CGGBP1: variants seen among roughly 807,000 people sequenced by gnomAD.
The protein encoded by CGGBP1 is CGG triplet repeat binding protein 1.
In CGGBP1, 4 loss-of-function variants were observed where a neutral mutation model predicts 11.4. That is an observed-to-expected ratio of 0.35 (90% confidence interval 0.17 to 0.80). CGGBP1 has a LOEUF of 0.80. Ranked by LOEUF, CGGBP1 falls within the 30% of genes least tolerant of loss-of-function variation. The pLI is 0.52. For missense variants in CGGBP1, 135 were observed against 202.1 expected (o/e 0.67, Z 2.01); for synonymous variants, 76 against 74.1 (o/e 1.03, Z -0.13).
Position 88,142,278 on chromosome 3 carries a change from GA to G in CGGBP1, c.-337-1201del, listed in dbSNP as rs1417957919. On this transcript the variant is annotated intron_variant, in intron 1 of 3. Transcript: ENST00000462901. ...GTTCAATGAATGGCACGCCAGCATT[GA>G]AAATTAAAAAACAAAACAAAAAAAA... is the stretch of plus-strand genomic sequence containing the variant. 12 of 111,372 alleles carry G rather than the reference GA, an allele frequency of 1.1e-4. No homozygotes were observed. The Admixed American group carries it at 1.3e-3, about 12-fold the overall frequency. 6.9% of individuals were successfully genotyped at this position (111,372 alleles called of 1,614,324 possible).
At position 88,053,859 on chromosome 3, in the gene CGGBP1, T is replaced by C. The variant is rs533709953; in HGVS notation, c.*1614A>G. 9.8e-5 allele frequency: 15 copies of C among 152,730 alleles called. No individual in the cohort carries two copies. Among genetic ancestry groups the C allele is most frequent in the African/African-American group, 3.1e-4 (13 of 41,582 alleles). The allele number at this position is 152,730 out of a possible 1,614,324, so 9.5% of individuals were successfully genotyped here. On this transcript the variant is annotated 3_prime_UTR_variant, in exon 4 of 4. Coordinates refer to ENST00000482016, the MANE Select transcript of CGGBP1 (RefSeq NM_001008390.2). ...GAGCACTACTCTAGGCATGCATTTA[T>C]CATACTACTTTAACATAACTGAACA...
chr3:88,130,567 C>T lies in CGGBP1; in HGVS notation c.-229+10403G>A, dbSNP rs1706391124. Reference sequence around the variant, plus strand: ...CTGGGCTCAAGTGATTTTCCCGCCTCAGCCTCCTCAGTAGCTGGGACTACA... The same window carrying T: ...CTGGGCTCAAGTGATTTTCCCGCCTTAGCCTCCTCAGTAGCTGGGACTACA... On this transcript the variant is annotated intron_variant, in intron 2 of 3. Transcript: ENST00000462901. 2.6e-5 allele frequency among the ~76,000 whole-genome samples: 4 copies of T among 151,806 alleles called. No individual in the cohort carries two copies. The South Asian group carries it at 6.2e-4, about 24-fold the overall frequency.
chr3:88,056,075 T>C, intron 3 of CGGBP1, 76 bp from the exon 4 acceptor site: 1 of 1,111,092 alleles, frequency 9.0e-7, no homozygotes, highest in South Asian at 1.6e-5. Context: ...TAAAAGGCAG[T>C]ATATAAACAC....
At chr3:88,131,103 G>A (rs948625812) in intron 2 of CGGBP1, among the ~76,000 whole-genome samples, 13 of 152,112 alleles carry the variant, frequency 8.5e-5, no homozygotes, top group African/African-American at 3.1e-4. Flanking sequence ...GCACATCTGG[G>A]CTATATGATG....
chr3:88,132,106 A>T (rs920755563), intron 2 of CGGBP1, among the ~76,000 whole-genome samples: 1 of 152,182 alleles, frequency 6.6e-6, no homozygotes, highest in Non-Finnish European at 1.5e-5. Context: ...TATGGAAATA[A>T]TACTGTGTTC....
chr3:88,101,972 T>A (rs1328607598), intron 2 of CGGBP1, among the ~76,000 whole-genome samples: 1 of 151,948 alleles, frequency 6.6e-6, no homozygotes, highest in Non-Finnish European at 1.5e-5. Context: ...ATCTATCAAA[T>A]TTTTTTGCCC....
intron 2 of CGGBP1, chr3:88,139,445 G>A: frequency 6.2e-7 from 1 of 1,613,834 alleles, no homozygotes; most frequent in Non-Finnish European, 8.5e-7. Context: ...AGCATTTGAA[G>A]AATCATGTTA....
At chr3:88,117,085 C>T (rs1328856279) in intron 2 of CGGBP1, among the ~76,000 whole-genome samples, 1 of 151,678 alleles carries the variant, frequency 6.6e-6, no homozygotes, top group Non-Finnish European at 1.5e-5. Flanking sequence ...AGGGACAACC[C>T]GAAAGAACAT....
chr3:88,106,160 G>C (rs1442251891), intron 2 of CGGBP1, among the ~76,000 whole-genome samples: 1 of 152,146 alleles, frequency 6.6e-6, no homozygotes, highest in African/African-American at 2.4e-5. Flanking sequence ...CTCTGTTACA[G>C]CTGTACAATG....
intron 2 of CGGBP1, among the ~76,000 whole-genome samples, chr3:88,088,325 T>G (rs1237231282): frequency 6.6e-6 from 1 of 152,106 alleles, no homozygotes; most frequent in African/African-American, 2.4e-5. Context: ...GCCTTCAATA[T>G]GAAAAAATGC....
chr3:88,139,755 TGTG>T (rs1707003864), intron 2 of CGGBP1: 8 of 1,554,566 alleles, frequency 5.1e-6, no homozygotes, highest in Non-Finnish European at 6.1e-6. Flanking sequence ...TTTAACTGAA[TGTG>T]GGGATGATTA....
chr3:88,062,452 A>T (rs1706937932), upstream of CGGBP1, among the ~76,000 whole-genome samples: 1 of 152,222 alleles, frequency 6.6e-6, no homozygotes, highest in Non-Finnish European at 1.5e-5. Context: ...ATTATGGATG[A>T]AAAGTTTAGA....
intron 2 of CGGBP1, among the ~76,000 whole-genome samples, chr3:88,130,237 C>T (rs2107839212): frequency 6.6e-6 from 1 of 152,256 alleles, no homozygotes; most frequent in South Asian, 2.1e-4. Context: ...TCTGTTTCCT[C>T]AGCTCCAGTA....
chr3:88,099,302 C>T (rs964352040), intron 2 of CGGBP1, among the ~76,000 whole-genome samples: 1 of 152,180 alleles, frequency 6.6e-6, no homozygotes, highest in Non-Finnish European at 1.5e-5. Flanking sequence ...TCAAGGAGAA[C>T]TGCAAATCAC....
At chr3:88,108,020 T>C (rs978173220) in intron 2 of CGGBP1, among the ~76,000 whole-genome samples, 2 of 152,092 alleles carry the variant, frequency 1.3e-5, no homozygotes, top group African/African-American at 4.8e-5. Context: ...TTGTATTTTC[T>C]AGAATAAATT....
At position 88,112,966 on chromosome 3, in the gene CGGBP1, A is replaced by G. The variant is rs906773912; in HGVS notation, c.-229+28004T>C. 7.3e-5 allele frequency: 39 copies of G among 537,044 alleles called. 1 individual carries two copies. The highest frequency in any genetic ancestry group is 8.8e-5 in the Non-Finnish European group (27 of 308,290). 33.3% of individuals were successfully genotyped at this position (537,044 alleles called of 1,614,324 possible). A position where few individuals can be genotyped will look rare whatever the true frequency, so the allele number is the denominator to read the frequency against. On this transcript the variant is annotated intron_variant, in intron 2 of 3. Transcript: ENST00000462901. ...CTTCTTTTAAAATCTTACAGAAAAC[A>G]TAATATGAATTCTAGTGTTCAGTAC...
At chr3:88,121,776 T>G (rs1296600753) in intron 2 of CGGBP1, among the ~76,000 whole-genome samples, 1 of 152,204 alleles carries the variant, frequency 6.6e-6, no homozygotes, top group Non-Finnish European at 1.5e-5. Context: ...TTAACCATAT[T>G]GAAGACCTTT....
intron 1 of CGGBP1, among the ~76,000 whole-genome samples, chr3:88,148,765 G>T (rs1406875384): frequency 6.6e-6 from 1 of 152,046 alleles, no homozygotes; most frequent in Non-Finnish European, 1.5e-5. Context: ...CTCAGCCTCC[G>T]AGTAGCTGGG....
intron 2 of CGGBP1, among the ~76,000 whole-genome samples, chr3:88,101,936 T>G (rs749220261): frequency 1.3e-5 from 2 of 152,178 alleles, no homozygotes; most frequent in Non-Finnish European, 2.9e-5. Flanking sequence ...TTGTATGCTT[T>G]GCTATTTTAT....
Sources: allele counts gnomAD v4.1 joint callset (sites outside exome capture counted in the v4.1 genomes callset), GRCh38; gene constraint gnomAD v4.1.1; transcripts MANE v1.5; gene names NCBI Gene and HGNC (gene_info 2026-07-23, HGNC 2026-07-21).